OSBPL9: variants seen among roughly 807,000 people sequenced by gnomAD.
The protein encoded by OSBPL9 is oxysterol-binding protein-related protein 9.
OSBPL9 carries 40 observed loss-of-function variants against 106.6 expected under a neutral mutation model. That is an observed-to-expected ratio of 0.38 (90% confidence interval 0.29 to 0.49). The LOEUF is 0.49. OSBPL9 is among the 20% of genes least tolerant of loss of function. OSBPL9 has a pLI of 0.97. For synonymous variants in OSBPL9, 269 were observed against 295.4 expected, an observed-to-expected ratio of 0.91 and a Z score of 0.92; for missense variants, 609 against 887.2, an observed-to-expected ratio of 0.69 and a Z score of 3.98.
At chr1:51,671,293 A>G (rs568745263) in intron 3 of OSBPL9, among the ~76,000 whole-genome samples, 1 of 152,322 alleles carries the variant, frequency 6.6e-6, no homozygotes, top group Admixed American at 6.5e-5. Flanking sequence ...AATTTGATAC[A>G]AAGTTATCAG....
At chr1:51,586,034 A>G (rs897678342) in intron 1 of OSBPL9, among the ~76,000 whole-genome samples, 2 of 150,908 alleles carry the variant, frequency 1.3e-5, no homozygotes, top group Non-Finnish European at 1.5e-5. Context: ...TTAGCCGGGC[A>G]TAGGTGGCGC....
At chr1:51,644,462 G>C (rs1646019554) in intron 1 of OSBPL9, among the ~76,000 whole-genome samples, 1 of 152,076 alleles carries the variant, frequency 6.6e-6, no homozygotes, top group African/African-American at 2.4e-5. Flanking sequence ...CTAGTAGCTG[G>C]GATTACAGGC....
intron 3 of OSBPL9, among the ~76,000 whole-genome samples, chr1:51,695,824 C>T (rs1057428976): frequency 9.9e-5 from 15 of 152,080 alleles, no homozygotes; most frequent in Non-Finnish European, 1.9e-4. Context: ...TGCTTAGAAC[C>T]GTGCTGACAC....
intron 7 of OSBPL9, chr1:51,749,665 G>C (rs1176114082): frequency 5.2e-6 from 1 of 193,408 alleles, no homozygotes; most frequent in East Asian, 1.3e-4. Flanking sequence ...GTAAGAATTC[G>C]TAAGTTAATC....
At chr1:51,743,775 T>C (rs777252059) in intron 4 of OSBPL9, among the ~76,000 whole-genome samples, 1 of 152,150 alleles carries the variant, frequency 6.6e-6, no homozygotes, top group Non-Finnish European at 1.5e-5. Context: ...TGGAAATAAG[T>C]TGCTCATTTC....
At chr1:51,644,643 A>C (rs1646033129) in intron 1 of OSBPL9, among the ~76,000 whole-genome samples, 1 of 152,034 alleles carries the variant, frequency 6.6e-6, no homozygotes, top group Admixed American at 6.6e-5. Flanking sequence ...TGAGTTTTAA[A>C]TGCCTTTGAG....
intron 8 of OSBPL9, chr1:51,752,788 C>T (rs537974969): frequency 7.2e-6 from 2 of 277,738 alleles, no homozygotes; most frequent in Admixed American, 4.1e-5. Context: ...GGTTTCTCTT[C>T]TTACAAGGAC....
At chr1:51,777,006 T>C (rs778766463) in intron 15 of OSBPL9, 88 bp downstream of exon 15, 32 of 995,720 alleles carry the variant, frequency 3.2e-5, no homozygotes, top group Non-Finnish European at 4.7e-5. Context: ...GATGGATTCC[T>C]TGTCACCTTT....
the OSBPL9 span, among the ~76,000 whole-genome samples, chr1:51,547,558 A>C: frequency 3.3e-5 from 5 of 152,298 alleles, no homozygotes; most frequent in South Asian, 8.3e-4. Context: ...AAAAATGGAC[A>C]AATAGGTAGG....
chr1:51,771,935 A>G, intron 12 of OSBPL9, 135 bp from the exon 13 acceptor site: 2 of 628,280 alleles, frequency 3.2e-6, no homozygotes, highest in South Asian at 4.1e-5. Context: ...AAAGGATAAG[A>G]CAAGAGACCT....
At chr1:51,531,195 T>A in the OSBPL9 span, among the ~76,000 whole-genome samples, 5 of 151,980 alleles carry the variant, frequency 3.3e-5, no homozygotes, top group Admixed American at 3.3e-4. Context: ...GGAGAATCAC[T>A]GGAACCTGCG....
chr1:51,752,167 C>T (rs1158856739), intron 8 of OSBPL9, among the ~76,000 whole-genome samples: 1 of 152,122 alleles, frequency 6.6e-6, no homozygotes, highest in Admixed American at 6.5e-5. Flanking sequence ...CTGTCTCCTA[C>T]CCTTGCTTGG....
At chr1:51,564,002 C>T in the OSBPL9 span, among the ~76,000 whole-genome samples, 1 of 124,482 alleles carries the variant, frequency 8.0e-6, no homozygotes, top group Non-Finnish European at 1.6e-5. Flanking sequence ...TCACAGTGAG[C>T]CATGATCATG....
chr1:51,773,916 AATC>A (rs1265296244), intron 14 of OSBPL9, among the ~76,000 whole-genome samples: 1 of 151,066 alleles, frequency 6.6e-6, no homozygotes, highest in African/African-American at 2.4e-5. Context: ...TTGCTTCAGT[AATC>A]ATTAGATTGT....
the OSBPL9 span, among the ~76,000 whole-genome samples, chr1:51,523,013 C>G: frequency 2.0e-5 from 3 of 152,012 alleles, no homozygotes; most frequent in African/African-American, 7.2e-5. Flanking sequence ...TTTTAGCACT[C>G]TGGAAGGCCG....
Position 51,781,281 on chromosome 1 carries a change from G to A in OSBPL9, c.1374G>A (p.Leu458=), listed in dbSNP as rs776681180. 1.4e-5 allele frequency: 22 copies of A among 1,614,012 alleles called. No homozygotes were observed. The highest frequency in any genetic ancestry group is 1.9e-5 in the Non-Finnish European group (22 of 1,180,008). Reference sequence around the variant, plus strand: ...CCAAAAAGCCATACAATCCCATTTTGGGCGAGATTTTTCAGTGTCATTGGA... The same window carrying A: ...CCAAAAAGCCATACAATCCCATTTTAGGCGAGATTTTTCAGTGTCATTGGA... ...SVAKKPYNPI[L]GEIFQCHWTL... Residue 458 remains leucine, a synonymous_variant, in exon 16 of 24, where the codon TTG becomes TTA. Coordinates refer to ENST00000428468, the MANE Select transcript of OSBPL9 (RefSeq NM_024586.6).
chr1:51,547,703 G>C, the OSBPL9 span, among the ~76,000 whole-genome samples: 1 of 151,996 alleles, frequency 6.6e-6, no homozygotes, highest in Non-Finnish European at 1.5e-5. Context: ...AATTAGCTGG[G>C]CATGGTGGTG....
At chr1:51,656,082 T>TA (rs1408446275) in intron 2 of OSBPL9, among the ~76,000 whole-genome samples, 1 of 152,236 alleles carries the variant, frequency 6.6e-6, no homozygotes, top group African/African-American at 2.4e-5. Flanking sequence ...ATTATCCAGG[T>TA]AATTATGTTG....
At chr1:51,738,783 A>G (rs992208214) in intron 4 of OSBPL9, among the ~76,000 whole-genome samples, 3 of 152,004 alleles carry the variant, frequency 2.0e-5, no homozygotes, top group African/African-American at 7.2e-5. Context: ...GCCTGTGGTT[A>G]TAGTATTATC....
Sources: allele counts gnomAD v4.1 joint callset (sites outside exome capture counted in the v4.1 genomes callset), GRCh38; gene constraint gnomAD v4.1.1; transcripts MANE v1.5; gene names NCBI Gene and HGNC (gene_info 2026-07-23, HGNC 2026-07-21).